The following SCAPER variants were observed in gnomAD, a reference collection of about 807,000 sequenced individuals.
The protein encoded by SCAPER is S-phase cyclin A associated protein in the ER, also known as S phase cyclin A-associated protein in the endoplasmic reticulum.
SCAPER carries 98 observed loss-of-function variants against 182.2 expected under a neutral mutation model. The observed-to-expected ratio is 0.54, with a 90% confidence interval of 0.46 to 0.64. The LOEUF is 0.64. Among genes scored for constraint, SCAPER ranks in the 30% least tolerant of loss-of-function variants. The pLI is 0.00. For missense variants in SCAPER, 1,432 were observed against 1,690.0 expected (o/e 0.85, Z 2.68); for synonymous variants, 605 against 564.6 (o/e 1.07, Z -1.01).
At position 76,351,219 on chromosome 15, in the gene SCAPER, A is replaced by AT. The variant is rs750268671; in HGVS notation, c.4099+17dup. ...TTGGCTAACAAACACATGAAATTTA[A>AT]TTTCAATAGAGACATACCTTTGGGT... On this transcript the variant is annotated intron_variant, in intron 31 of 31. Transcript: ENST00000563290. 6.3e-7 allele frequency: 1 copy of AT among 1,597,120 alleles called. No homozygotes were observed. Among genetic ancestry groups the AT allele is most frequent in the African/African-American group, 1.3e-5 (1 of 74,670 alleles).
At chr15:76,896,029 G>A (rs1414217297) in intron 1 of SCAPER, among the ~76,000 whole-genome samples, 2 of 146,372 alleles carry the variant, frequency 1.4e-5, no homozygotes, top group African/African-American at 2.5e-5. Context: ...AACAGAGCAA[G>A]ACTCTGTCTC....
At chr15:76,424,529 G>T (rs1337549127) in intron 26 of SCAPER, among the ~76,000 whole-genome samples, 1 of 152,092 alleles carries the variant, frequency 6.6e-6, no homozygotes, top group Non-Finnish European at 1.5e-5. Context: ...CGTGAGATGG[G>T]TCTACTGAAT....
chr15:76,694,550 T>A (rs1013889370), intron 20 of SCAPER, among the ~76,000 whole-genome samples: 1 of 152,078 alleles, frequency 6.6e-6, no homozygotes, highest in Non-Finnish European at 1.5e-5. Context: ...ATAGTTAAGA[T>A]GGCACATTTT....
At chr15:76,898,532 T>G (rs1225169828) in intron 1 of SCAPER, among the ~76,000 whole-genome samples, 1 of 152,210 alleles carries the variant, frequency 6.6e-6, no homozygotes, top group Non-Finnish European at 1.5e-5. Context: ...ATGTGGTATA[T>G]CCATATGATG....
Position 76,471,271 on chromosome 15 carries a change from C to G in SCAPER, c.3019G>C (p.Asp1007His). ...GTAATCTTGTTACTAAACAGAACAT[C>G]ACTGCAGTTTTCTGAACAGTTATTG... is the stretch of plus-strand genomic sequence containing the variant. Reference protein sequence around the residue: ...TCNNCSENCSDVLFSNKITFL... With the variant: ...TCNNCSENCSHVLFSNKITFL... The change falls in exon 25 of 32, where the codon GAT becomes CAT. Residue 1007 changes from aspartate to histidine, a missense_variant. By Grantham distance (81) the Asp-to-His change is moderately conservative (BLOSUM62 -1). Transcript: ENST00000563290. 1 of 1,612,584 alleles carries G rather than the reference C, an allele frequency of 6.2e-7. No homozygotes were observed. Among genetic ancestry groups the G allele is most frequent in the South Asian group, 1.1e-5 (1 of 90,932 alleles).
At position 76,860,800 on chromosome 15, in the gene SCAPER, C is replaced by T. The variant is rs1386601675; in HGVS notation, c.124+1616G>A. 2.6e-5 allele frequency among the ~76,000 whole-genome samples: 4 copies of T among 151,962 alleles called. No homozygotes were observed. The East Asian group carries it at 7.7e-4, about 29-fold the overall frequency. On this transcript the variant is annotated intron_variant, in intron 3 of 31. Coordinates refer to ENST00000563290, the MANE Select transcript of SCAPER (RefSeq NM_020843.4). ...AATTTTAAATAAAATAAAATGTAAA[C>T]ATAAATTTAAGAGAATAAAACAGGT...
intron 22 of SCAPER, among the ~76,000 whole-genome samples, chr15:76,615,400 C>G (rs548028992): frequency 6.6e-6 from 1 of 151,136 alleles, no homozygotes; most frequent in Non-Finnish European, 1.5e-5. Flanking sequence ...GAGCTGAGAT[C>G]GCGCCACTGC....
intron 24 of SCAPER, among the ~76,000 whole-genome samples, chr15:76,478,977 A>C (rs997761516): frequency 1.3e-5 from 2 of 151,934 alleles, no homozygotes; most frequent in Non-Finnish European, 2.9e-5. Context: ...CTTGTTTCAA[A>C]TCTTTTGTGC....
intron 24 of SCAPER, among the ~76,000 whole-genome samples, chr15:76,484,176 C>G (rs1267819462): frequency 6.6e-6 from 1 of 152,042 alleles, no homozygotes; most frequent in Non-Finnish European, 1.5e-5. Flanking sequence ...ACTGAGCTAT[C>G]AAGACACAGA....
At chr15:76,490,044 T>C (rs139655695) in intron 24 of SCAPER, among the ~76,000 whole-genome samples, 17 of 152,342 alleles carry the variant, frequency 1.1e-4, no homozygotes, top group African/African-American at 4.1e-4. Flanking sequence ...CTCATCTGAA[T>C]GTCAATGGAC....
chr15:76,673,609 A>G (rs1232023253), intron 20 of SCAPER, among the ~76,000 whole-genome samples: 2 of 151,882 alleles, frequency 1.3e-5, no homozygotes, highest in African/African-American at 4.9e-5. Flanking sequence ...CTGAACAGAC[A>G]CACACATATA....
chr15:76,720,962 G>A (rs2060203183), intron 17 of SCAPER, among the ~76,000 whole-genome samples: 1 of 152,110 alleles, frequency 6.6e-6, no homozygotes, highest in Non-Finnish European at 1.5e-5. Flanking sequence ...GGCTTTTGTT[G>A]CCATTGCTTT....
At chr15:76,640,462 C>T (rs2054010891) in intron 21 of SCAPER, among the ~76,000 whole-genome samples, 1 of 152,122 alleles carries the variant, frequency 6.6e-6, no homozygotes, top group Non-Finnish European at 1.5e-5. Flanking sequence ...ATTTTTGAGG[C>T]CTCTCAAGCA....
At position 76,642,626 on chromosome 15, in the gene SCAPER, C is replaced by T. The variant is rs150965717; in HGVS notation, c.2646-20797G>A. On this transcript the variant is annotated intron_variant, in intron 21 of 31. Coordinates refer to ENST00000563290, the MANE Select transcript of SCAPER (RefSeq NM_020843.4). ...ACCTTCTAATATTACCAGCAACGCA[C>T]AGATGGCAAATTTTCCCAAATGACC... is the stretch of plus-strand genomic sequence containing the variant. Among the ~76,000 whole-genome samples, 558 of 152,296 alleles carry T rather than the reference C, an allele frequency of 3.7e-3. 6 individuals carry two copies. Among genetic ancestry groups the T allele is most frequent in the African/African-American group, 0.013 (539 of 41,568 alleles).
At chr15:76,382,130 GAGGAGTAC>G (rs1003264513) in intron 27 of SCAPER, among the ~76,000 whole-genome samples, 9 of 152,264 alleles carry the variant, frequency 5.9e-5, no homozygotes, top group Admixed American at 5.9e-4. Context: ...TTCCAACATT[GAGGAGTAC>G]AGGCAGGACA....
chr15:76,637,766 G>A (rs1235940481), intron 21 of SCAPER, among the ~76,000 whole-genome samples: 1,735 of 139,268 alleles, frequency 0.012, 81 homozygotes, highest in African/African-American at 0.043. Context: ...GTGTGTGTGT[G>A]TGTGTGTGTG....
At chr15:76,741,270 T>C (rs1205994355) in intron 15 of SCAPER, among the ~76,000 whole-genome samples, 37 of 152,140 alleles carry the variant, frequency 2.4e-4, no homozygotes, top group Admixed American at 2.4e-3. Flanking sequence ...TGGTGGCTAT[T>C]TCTGAGGGTG....
chr15:76,467,682 T>C (rs1020768697), intron 25 of SCAPER, among the ~76,000 whole-genome samples: 20 of 152,302 alleles, frequency 1.3e-4, no homozygotes, highest in Non-Finnish European at 2.6e-4. Context: ...CTGAGCTACG[T>C]TGTAGTTCTG....
chr15:76,870,789 T>C (rs1051225158), intron 2 of SCAPER, among the ~76,000 whole-genome samples: 7 of 151,750 alleles, frequency 4.6e-5, no homozygotes, highest in Admixed American at 3.3e-4. Context: ...GAAACAAAAA[T>C]GGGATTAGAG....
Sources: allele counts gnomAD v4.1 joint callset (sites outside exome capture counted in the v4.1 genomes callset), GRCh38; gene constraint gnomAD v4.1.1; transcripts MANE v1.5; gene names NCBI Gene and HGNC (gene_info 2026-07-23, HGNC 2026-07-21).